KIAA0232: variants seen among roughly 807,000 people sequenced by gnomAD.
The protein encoded by KIAA0232 is uncharacterized protein KIAA0232.
Under a neutral mutation model 122.0 loss-of-function variants are expected in KIAA0232, and 27 were observed. The ratio of observed to expected loss-of-function variants is 0.22; its 90% confidence interval spans 0.16 to 0.31. The LOEUF (loss-of-function observed/expected upper bound fraction) is 0.31, where lower values mean the gene tolerates loss of function less well. Ranked by LOEUF, KIAA0232 falls within the 10% of genes least tolerant of loss-of-function variation. The probability of loss-of-function intolerance (pLI) is 1.00; values close to 1 mark genes in which losing one functional copy is unlikely to be tolerated. For synonymous variants in KIAA0232, 613 were observed against 587.6 expected (o/e 1.04, Z -0.63); for missense variants, 1,551 against 1,634.2 (o/e 0.95, Z 0.88).
chr4:6,850,357 G>A (rs898047402), intron 4 of KIAA0232, among the ~76,000 whole-genome samples: 2 of 152,082 alleles, frequency 1.3e-5, no homozygotes, highest in Non-Finnish European at 2.9e-5. Flanking sequence ...TACCCCGCTT[G>A]GTGTTTGTCT....
chr4:6,880,776 T>C lies in KIAA0232; in HGVS notation c.4009-11T>C. 2 of 1,499,826 alleles carry C rather than the reference T, an allele frequency of 1.3e-6. No homozygotes were observed. Among genetic ancestry groups the C allele is most frequent in the Non-Finnish European group, 1.8e-6 (2 of 1,119,672 alleles). The allele number at this position is 1,499,826 out of a possible 1,614,324, so 92.9% of individuals were successfully genotyped here. ...GTCTTTTTGATGTGTTGAAAATTGT[T>C]TTAATCTTAGGTGTCTTCTGTTTAT... On this transcript the variant is annotated splice_polypyrimidine_tract_variant and intron_variant, in intron 9 of 9. Coordinates refer to ENST00000307659, the MANE Select transcript of KIAA0232 (RefSeq NM_014743.3).
At position 6,882,861 on chromosome 4, in the gene KIAA0232, C is replaced by A. The variant is rs951323729; in HGVS notation, c.*1895C>A. 1.3e-5 allele frequency: 2 copies of A among 152,614 alleles called. No individual in the cohort carries two copies. Among genetic ancestry groups the A allele is most frequent in the African/African-American group, 4.8e-5 (2 of 41,448 alleles). 9.5% of individuals were successfully genotyped at this position (152,614 alleles called of 1,614,324 possible). ...GTGACGATTATTCTAGAAATCGTTGCTTGTGTAGCAAAGACCAAATAAATA... is the reference window on the plus strand; with the variant it reads ...GTGACGATTATTCTAGAAATCGTTGATTGTGTAGCAAAGACCAAATAAATA... On this transcript the variant is annotated 3_prime_UTR_variant, in exon 10 of 10. Coordinates refer to ENST00000307659, the MANE Select transcript of KIAA0232 (RefSeq NM_014743.3).
intron 1 of KIAA0232, among the ~76,000 whole-genome samples, chr4:6,788,910 C>G (rs1716752885): frequency 6.6e-6 from 1 of 152,066 alleles, no homozygotes; most frequent in Non-Finnish European, 1.5e-5. Context: ...TTTATTATGA[C>G]AGTGTTCACA....
At chr4:6,865,346 C>A (rs941721671) in intron 7 of KIAA0232, among the ~76,000 whole-genome samples, 1 of 152,198 alleles carries the variant, frequency 6.6e-6, no homozygotes, top group African/African-American at 2.4e-5. Flanking sequence ...GTCGCCCAGG[C>A]TTGAGTGCAG....
chr4:6,840,767 C>T (rs1277809553), intron 3 of KIAA0232, among the ~76,000 whole-genome samples: 1 of 151,656 alleles, frequency 6.6e-6, no homozygotes, highest in Non-Finnish European at 1.5e-5. Context: ...ATCCACCCAC[C>T]TCTGCCTCCC....
intron 3 of KIAA0232, among the ~76,000 whole-genome samples, chr4:6,838,285 C>T (rs144063382): frequency 1.0e-3 from 153 of 151,546 alleles, no homozygotes; most frequent in African/African-American, 3.3e-3. Context: ...GCCTCCCAGG[C>T]TCAAGCAATT....
chr4:6,819,934 C>T (rs1248241182), intron 2 of KIAA0232, among the ~76,000 whole-genome samples: 2 of 151,974 alleles, frequency 1.3e-5, no homozygotes, highest in Admixed American at 6.6e-5. Flanking sequence ...AAGAATGAAA[C>T]CATGTCCTTT....
At chr4:6,817,440 C>T (rs1320158723) in intron 2 of KIAA0232, among the ~76,000 whole-genome samples, 3 of 152,178 alleles carry the variant, frequency 2.0e-5, no homozygotes, top group South Asian at 2.1e-4. Context: ...TGGTCTCGAT[C>T]TCCTGACCTC....
At chr4:6,832,970 A>G (rs1719071530) in intron 3 of KIAA0232, among the ~76,000 whole-genome samples, 1 of 152,226 alleles carries the variant, frequency 6.6e-6, no homozygotes, top group Non-Finnish European at 1.5e-5. Context: ...CACAGGTTGT[A>G]TAAATAATAA....
intron 3 of KIAA0232, among the ~76,000 whole-genome samples, chr4:6,837,641 C>G (rs939928334): frequency 3.9e-5 from 6 of 152,222 alleles, no homozygotes; most frequent in South Asian, 2.1e-4. Context: ...ACTGAGTGAG[C>G]GAGACTCCGT....
At chr4:6,784,001 T>C (rs1480827121) in intron 1 of KIAA0232, among the ~76,000 whole-genome samples, 2 of 152,180 alleles carry the variant, frequency 1.3e-5, no homozygotes, top group South Asian at 2.1e-4. Flanking sequence ...CCTGCCGAAC[T>C]CTTGGTACAG....
At chr4:6,800,554 A>G (rs1420806462) in intron 1 of KIAA0232, among the ~76,000 whole-genome samples, 1 of 151,426 alleles carries the variant, frequency 6.6e-6, no homozygotes, top group Non-Finnish European at 1.5e-5. Context: ...GGTGGTATGC[A>G]CCTGTAATCC....
chr4:6,784,124 A>T (rs1048190075), intron 1 of KIAA0232, among the ~76,000 whole-genome samples: 1 of 151,808 alleles, frequency 6.6e-6, no homozygotes, highest in African/African-American at 2.4e-5. Flanking sequence ...AGGGAGATTC[A>T]GCGGAGAGGA....
intron 1 of KIAA0232, among the ~76,000 whole-genome samples, chr4:6,803,437 A>G (rs993622730): frequency 1.3e-5 from 2 of 152,132 alleles, no homozygotes; most frequent in South Asian, 4.1e-4. Flanking sequence ...ACAGCTCTCA[A>G]GTTATCTGGT....
chr4:6,865,851 T>C (rs909167924), intron 7 of KIAA0232, among the ~76,000 whole-genome samples: 2 of 152,262 alleles, frequency 1.3e-5, no homozygotes, highest in African/African-American at 4.8e-5. Context: ...TTAATTTTCA[T>C]GCACTTTATG....
At chr4:6,790,915 C>CTTTTTTTTTTTTTTT (rs35766310) in intron 1 of KIAA0232, among the ~76,000 whole-genome samples, 12 of 92,938 alleles carry the variant, frequency 1.3e-4, no homozygotes, top group African/African-American at 1.4e-4. Context: ...TTTTTATATA[C>CTTTTTTTTTTTTTTT]TTTTTTTTTT....
At chr4:6,851,722 TAA>T (rs74937263) in intron 4 of KIAA0232, among the ~76,000 whole-genome samples, 45 of 97,206 alleles carry the variant, frequency 4.6e-4, no homozygotes, top group African/African-American at 1.1e-3. Flanking sequence ...TCTCAAAAAT[TAA>T]AAAAAAAAAA....
intron 1 of KIAA0232, among the ~76,000 whole-genome samples, chr4:6,803,533 A>G (rs1717482462): frequency 6.6e-6 from 1 of 152,202 alleles, no homozygotes; most frequent in African/African-American, 2.4e-5. Flanking sequence ...TCATTTGGAT[A>G]AGATTACCCT....
chr4:6,876,799 G>A, intron 9 of KIAA0232, 42 bp downstream of exon 9: 1 of 1,349,670 alleles, frequency 7.4e-7, no homozygotes, highest in Non-Finnish European at 1.1e-6. Flanking sequence ...CTTACAAACA[G>A]CCACCACCTC....
Sources: allele counts gnomAD v4.1 joint callset (sites outside exome capture counted in the v4.1 genomes callset), GRCh38; gene constraint gnomAD v4.1.1; transcripts MANE v1.5; gene names NCBI Gene and HGNC (gene_info 2026-07-23, HGNC 2026-07-21).